CACNA1F: variants seen among roughly 807,000 people sequenced by gnomAD.
CACNA1F encodes the protein voltage-dependent L-type calcium channel subunit alpha-1F.
In CACNA1F, 59 loss-of-function variants were observed where a neutral mutation model predicts 143.8. That is an observed-to-expected ratio of 0.41 (90% CI 0.33 to 0.51). The LOEUF (loss-of-function observed/expected upper bound fraction) is 0.51. CACNA1F is among the 20% of genes least tolerant of loss of function. The pLI, the probability that CACNA1F is intolerant of heterozygous loss-of-function variation, is 0.22. For synonymous variants in CACNA1F, 643 were observed against 649.1 expected (o/e 0.99, Z 0.14); for missense variants, 1,411 against 1,647.5 (o/e 0.86, Z 2.48).
intron 40 of CACNA1F, 80 bp from the exon 41 acceptor site, chrX:49,209,839 A>T: frequency 2.6e-6 from 3 of 1,160,462 alleles, no homozygotes; most frequent in Non-Finnish European, 3.5e-6. Flanking sequence ...ACCCACCAGC[A>T]TGGACTTCCC....
Position 49,228,045 on chromosome X carries a change from A to G in CACNA1F, c.1109T>C (p.Val370Ala). The change falls in exon 8 of 48, where the codon GTC becomes GCC. Residue 370 changes from valine to alanine, a missense_variant. Physicochemically the swap from Val to Ala is moderately conservative, Grantham distance 64 (BLOSUM62 0). This residue lies in a region of CACNA1F where 950 missense variants were observed against 1,128.1 expected (regional missense o/e 0.84). Transcript: ENST00000323022. ...TGTCTAGGTCTCTCACCCACTCAGG[A>G]CGCCAAGCACAAGGTTGAGGACGAA... Reference protein sequence around the residue: ...SFFVLNLVLGVLSGEFSKERE... With the variant: ...SFFVLNLVLGALSGEFSKERE... 8.3e-7 allele frequency: 1 copy of G among 1,204,924 alleles called. No individual in the cohort carries two copies. Among genetic ancestry groups the G allele is most frequent in the Non-Finnish European group, 1.1e-6 (1 of 889,281 alleles).
intron 8 of CACNA1F, 40 bp downstream of exon 8, chrX:49,227,996 G>A (rs2065840892): frequency 2.0e-6 from 2 of 983,894 alleles, no homozygotes; most frequent in African/African-American, 3.8e-5. Context: ...AGTGGGCAGT[G>A]GCTGAGGGGT....
Position 49,209,651 on chromosome X carries a change from G to A in CACNA1F, c.4799C>T (p.Pro1600Leu), listed in dbSNP as rs782153372. ...GACCTGAAGGGCGGAAGAGGTGCTA[G>A]GGGCGGCGTCGTTGCCTAGTAGCCC... ...EKGLLGNDAA[P>L]STSSALQAGL... The change falls in exon 41 of 48, where the codon CCT (proline) becomes CTT (leucine). Residue 1600 changes from proline (P) to leucine (L), a missense_variant. Physicochemically the swap from Pro to Leu is moderately conservative, Grantham distance 98 (BLOSUM62 -3). This residue lies in a region of CACNA1F where 349 missense variants were observed against 350.2 expected (regional missense o/e 1.00). Coordinates refer to ENST00000323022, the MANE Select transcript of CACNA1F (RefSeq NM_001256789.3). The A allele has an allele frequency of 4.1e-6, 5 of 1,209,906 alleles. No individual in the cohort carries two copies. The South Asian group carries it at 7.1e-5, about 17-fold the overall frequency.
chrX:49,209,499 G>A, intron 41 of CACNA1F, 106 bp from the exon 42 acceptor site: 1 of 1,117,860 alleles, frequency 8.9e-7, no homozygotes, highest in Non-Finnish European at 1.2e-6. Context: ...CAGCCACCCT[G>A]GCCCTCCGTG....
rs1557104593 is a variant in CACNA1F, at chrX:49,205,387, C to T, written c.5671-20G>A. 1 of 1,091,047 alleles carries T rather than the reference C, an allele frequency of 9.2e-7. No homozygotes were observed. The highest frequency in any genetic ancestry group is 1.3e-6 in the Non-Finnish European group (1 of 792,716). 89.9% of individuals were successfully genotyped at this position (1,091,047 alleles called of 1,213,427 possible). On this transcript the variant is annotated intron_variant, in intron 47 of 47. Transcript: ENST00000323022. ...AAGCACCTGGGGGCACAGGTGGGATCAGTGTTGACGGACGGCACAGTGTGC... is the reference window on the plus strand; with the variant it reads ...AAGCACCTGGGGGCACAGGTGGGATTAGTGTTGACGGACGGCACAGTGTGC...
Position 49,224,768 on chromosome X carries a change from C to T in CACNA1F, c.1870G>A (p.Val624Ile), listed in dbSNP as rs141010716. 3,673 of 1,160,649 alleles carry T rather than the reference C, an allele frequency of 3.2e-3. 8 individuals are homozygous for T. The highest frequency in any genetic ancestry group is 6.3e-3 in the Middle Eastern group (27 of 4,269). Residue 624 changes from valine to isoleucine, a missense_variant, in exon 14 of 48, where the codon GTC (valine) becomes ATC (isoleucine). Val to Ile is a conservative substitution (Grantham distance 29). Coordinates refer to ENST00000323022, the MANE Select transcript of CACNA1F (RefSeq NM_001256789.3). The part of the protein sequence containing the change: ...RCVRLLRIFK[V>I]TRHWASLSNL... ...CCCTCCCCTAATACAAACCTGGTGACCTTAAAGATCCTGAGGAGGCGCACA... is the reference window on the plus strand; with the variant it reads ...CCCTCCCCTAATACAAACCTGGTGATCTTAAAGATCCTGAGGAGGCGCACA...
rs782544774 is a variant in CACNA1F at position 49,214,267 on chromosome X, G to A, written c.3600C>T (p.His1200=). 1 of 1,128,372 alleles carries A rather than the reference G, an allele frequency of 8.9e-7. No homozygotes were observed. Among genetic ancestry groups the A allele is most frequent in the East Asian group, 3.0e-5 (1 of 33,555 alleles). 93.0% of individuals were successfully genotyped at this position (1,128,372 alleles called of 1,213,427 possible). A position where few individuals can be genotyped will look rare whatever the true frequency, so the allele number is the denominator to read the frequency against. ...AGTTGAAGGGAGCAGTCTGCTCATA[G>A]TGCTGCAGGAGAAAATCAGGTTGAG... ...LLNTVALAMQ[H]YEQTAPFNYA... is the part of the protein sequence containing the mutation. The change falls in exon 30 of 48, where the codon CAC becomes CAT. Residue 1200 remains histidine (H), a splice_region_variant and synonymous_variant. Coordinates refer to ENST00000323022, the MANE Select transcript of CACNA1F (RefSeq NM_001256789.3).
At chrX:49,216,279 C>A in intron 27 of CACNA1F, 103 bp downstream of exon 27, 1 of 895,401 alleles carries the variant, frequency 1.1e-6, no homozygotes, top group South Asian at 2.1e-5. Flanking sequence ...AGACCTTCGT[C>A]ACATCCCCAA....
rs370383353 is a variant in CACNA1F, at chrX:49,226,431, G to C, written c.1441C>G (p.Leu481Val). ...QGDEDEEEGA[L>V]ASCTRCLNKI... ...CACAGGCAGCGTGTACAGCTGGCCA[G>C]AGCCCCCTCCTCCTCATCCTCATCG... Residue 481 changes from leucine (L) to valine (V), a missense_variant, in exon 11 of 48, where the codon CTG (leucine) becomes GTG (valine). Transcript: ENST00000323022. 1 of 1,187,629 alleles carries C rather than the reference G, an allele frequency of 8.4e-7. No individual in the cohort carries two copies. The highest frequency in any genetic ancestry group is 1.1e-6 in the Non-Finnish European group (1 of 882,879).
At chrX:49,224,195 G>C (rs1298767851) in intron 14 of CACNA1F, among the ~76,000 whole-genome samples, 1 of 110,676 alleles carries the variant, frequency 9.0e-6, no homozygotes, top group Non-Finnish European at 1.9e-5. Context: ...GATGAGACTG[G>C]GGCTGAGGCT....
At chrX:49,220,245 T>C (rs782099148) in intron 19 of CACNA1F, among the ~76,000 whole-genome samples, 25 of 111,898 alleles carry the variant, frequency 2.2e-4, no homozygotes, top group African/African-American at 7.8e-4. Flanking sequence ...GCTTGGCTAA[T>C]TAATTTCTTT....
rs781799344 is a variant in CACNA1F at position 49,205,788 on chromosome X, C to T, written c.5498G>A (p.Arg1833Gln). Residue 1833 changes from arginine (R) to glutamine (Q), a missense_variant, in exon 47 of 48, where the codon CGG becomes CAG. By Grantham distance (43) the Arg-to-Gln change is conservative (BLOSUM62 1). Coordinates refer to ENST00000323022, the MANE Select transcript of CACNA1F (RefSeq NM_001256789.3). ...CAGCGGGGCATACAGGAGCCGACCC[C>T]GCTGAGGTGGTGTTGCCCAGGAACC... is the stretch of plus-strand genomic sequence containing the variant. ...AQGSWATPPQ[R>Q]GRLLYAPLLL... is the part of the protein sequence containing the mutation. The T allele has an allele frequency of 7.5e-6, 9 of 1,202,637 alleles. No homozygotes were observed. In the South Asian group the frequency reaches 9.0e-5, roughly 12 times the overall value.
chrX:49,230,182 G>A (rs976429276), intron 6 of CACNA1F, 38 bp downstream of exon 6: 5 of 1,153,824 alleles, frequency 4.3e-6, no homozygotes, highest in Non-Finnish European at 5.9e-6. Flanking sequence ...AACCGAAGGA[G>A]GGGGCATGTT....
rs1476702923 is a variant in CACNA1F at position 49,208,552 on chromosome X, G to C, written c.5086C>G (p.Gln1696Glu). 1 of 1,207,491 alleles carries C rather than the reference G, an allele frequency of 8.3e-7. No homozygotes were observed. The highest frequency in any genetic ancestry group is 1.1e-6 in the Non-Finnish European group (1 of 894,167). The part of the protein sequence containing the change: ...DDDRGTPTSS[Q>E]PSVPQAGSNT... ...GATCCAGCCTGGGGCACACTGGGCT[G>C]ACTGGAGGTGGGAGTCCCCCTGTCA... is the stretch of plus-strand genomic sequence containing the variant. The change falls in exon 43 of 48, where the codon CAG becomes GAG. Residue 1696 changes from glutamine to glutamate, a missense_variant. Transcript: ENST00000323022.
intron 18 of CACNA1F, 90 bp downstream of exon 18, chrX:49,220,945 A>AAAC (rs1569528279): frequency 3.7e-6 from 3 of 813,124 alleles, no homozygotes; most frequent in African/African-American, 2.0e-5. Flanking sequence ...TCTCAAAATA[A>AAAC]AACAACAACA....
intron 40 of CACNA1F, 63 bp downstream of exon 40, chrX:49,209,878 G>T: frequency 1.8e-6 from 2 of 1,137,375 alleles, no homozygotes; most frequent in South Asian, 1.8e-5. Flanking sequence ...CTGGTTTTGT[G>T]GTGGAGAGCG....
chrX:49,228,958 C>G (rs1254601183), intron 6 of CACNA1F, among the ~76,000 whole-genome samples: 2 of 112,029 alleles, frequency 1.8e-5, no homozygotes, highest in African/African-American at 6.5e-5. Context: ...AGCTAGGGAT[C>G]CCACCAACCG....
At chrX:49,232,488 T>A (rs781947012) in intron 1 of CACNA1F, among the ~76,000 whole-genome samples, 1 of 111,781 alleles carries the variant, frequency 8.9e-6, no homozygotes, top group South Asian at 3.7e-4. Flanking sequence ...GCTGCCTGAG[T>A]TTAAATCCTG....
At position 49,219,722 on chromosome X, in the gene CACNA1F, C is replaced by T; in HGVS notation, c.2455G>A (p.Val819Met). ...GGTACAACTTCCTGCAGGAGTTCCA[C>T]ACCCCCTGCACCCTCTTCCTCTTCT... ...EEEEEEGAGGVELLQEVVPKE... is the reference protein window; with the variant it reads ...EEEEEEGAGGMELLQEVVPKE... The change falls in exon 20 of 48, where the codon GTG (valine) becomes ATG (methionine). Residue 819 changes from valine (V) to methionine (M), a missense_variant. Physicochemically the swap from Val to Met is conservative, Grantham distance 21. Around this residue, in one of 3 missense-constraint regions of CACNA1F, gnomAD observed 950 missense variants for 1,128.1 expected, o/e 0.84. Coordinates refer to ENST00000323022, the MANE Select transcript of CACNA1F (RefSeq NM_001256789.3). 8.4e-7 allele frequency: 1 copy of T among 1,187,266 alleles called. No individual in the cohort carries two copies. Among genetic ancestry groups the T allele is most frequent in the Non-Finnish European group, 1.1e-6 (1 of 881,894 alleles).
Sources: allele counts gnomAD v4.1 joint callset (sites outside exome capture counted in the v4.1 genomes callset), GRCh38; gene constraint gnomAD v4.1.1; regional missense constraint gnomAD v4.1.1; transcripts MANE v1.5; gene names NCBI Gene and HGNC (gene_info 2026-07-23, HGNC 2026-07-21).